The following TRHDE variants were observed in gnomAD, a reference collection of about 807,000 sequenced individuals.
TRHDE encodes thyrotropin releasing hormone degrading enzyme, also known as thyrotropin-releasing hormone-degrading ectoenzyme.
TRHDE carries 72 observed loss-of-function variants against 125.7 expected under a neutral mutation model. That is an observed-to-expected ratio of 0.57 (90% confidence interval 0.47 to 0.70). The LOEUF is 0.70. Ranked by LOEUF, TRHDE falls within the 30% of genes least tolerant of loss-of-function variation. TRHDE has a pLI of 0.00. For missense variants in TRHDE, 1,110 were observed against 1,327.1 expected (o/e 0.84, Z 2.54); for synonymous variants, 509 against 509.1 (o/e 1.00, Z 0.00).
At chr12:72,285,585 ATC>A (rs1448702706) in intron 1 of TRHDE, among the ~76,000 whole-genome samples, 1 of 137,708 alleles carries the variant, frequency 7.3e-6, no homozygotes, top group Non-Finnish European at 1.5e-5. Context: ...CAGTGGCGCG[ATC>A]TTGGTTCACT....
chr12:72,575,992 C>T (rs1231158933), intron 12 of TRHDE, among the ~76,000 whole-genome samples: 2 of 151,982 alleles, frequency 1.3e-5, no homozygotes, highest in Non-Finnish European at 2.9e-5. Context: ...TGGGTAAGAC[C>T]GTTCTTGACA....
intron 2 of TRHDE, among the ~76,000 whole-genome samples, chr12:72,195,647 T>A (rs1171860091): frequency 6.6e-6 from 1 of 152,088 alleles, no homozygotes; most frequent in African/African-American, 2.4e-5. Flanking sequence ...TAAACTTTTG[T>A]CAGATTCAGT....
rs534428675 is a variant in TRHDE, at chr12:72,520,362, C to A, written c.1722+20727C>A. 2.7e-4 allele frequency among the ~76,000 whole-genome samples: 41 copies of A among 152,176 alleles called. 1 individual carries two copies. The highest frequency in any genetic ancestry group is 2.6e-3 in the Admixed American group (39 of 15,282). ...CTCGTGGTGCGCCATTTTTTAAGCC[C>A]GTCGGAAAAGCGCAGTATTCGGGTG... On this transcript the variant is annotated intron_variant, in intron 6 of 18. Transcript: ENST00000261180.
intron 2 of TRHDE, among the ~76,000 whole-genome samples, chr12:72,130,166 G>A (rs1875827894): frequency 6.6e-6 from 1 of 152,118 alleles, no homozygotes; most frequent in African/African-American, 2.4e-5. Context: ...CAGGCGCGGT[G>A]GTGGGTGCCT....
intron 6 of TRHDE, among the ~76,000 whole-genome samples, chr12:72,512,026 C>T (rs1390812715): frequency 6.6e-6 from 1 of 152,196 alleles, no homozygotes. Context: ...TCCTCTGTTG[C>T]ACACAGTTTC....
intron 15 of TRHDE, among the ~76,000 whole-genome samples, chr12:72,645,959 G>A (rs1217921286): frequency 6.6e-6 from 1 of 152,018 alleles, no homozygotes; most frequent in African/African-American, 2.4e-5. Flanking sequence ...TGCCTTGAAA[G>A]AAATGCTAAA....
intron 3 of TRHDE, among the ~76,000 whole-genome samples, chr12:72,417,337 G>T (rs578171280): frequency 6.6e-6 from 1 of 152,086 alleles, no homozygotes; most frequent in East Asian, 1.9e-4. Flanking sequence ...GAATCGGTAG[G>T]AACTAAGCAT....
chr12:72,290,549 A>G lies in TRHDE; in HGVS notation c.1188+3595A>G, dbSNP rs111582203. Among the ~76,000 whole-genome samples the G allele has an allele frequency of 4.8e-3, 736 of 152,324 alleles. 3 individuals are homozygous for G. The highest frequency in any genetic ancestry group is 8.5e-3 in the Non-Finnish European group (578 of 68,024). Reference sequence around the variant, plus strand: ...GTAGGCTAGGAATTTGGAAGGGCACAGTGGTGGCAACTTCTCTGTGTTCAA... The same window carrying G: ...GTAGGCTAGGAATTTGGAAGGGCACGGTGGTGGCAACTTCTCTGTGTTCAA... On this transcript the variant is annotated intron_variant, in intron 2 of 18. Coordinates refer to ENST00000261180, the MANE Select transcript of TRHDE (RefSeq NM_013381.3).
At chr12:72,093,613 T>C (rs1333200394) in intron 1 of TRHDE, among the ~76,000 whole-genome samples, 1 of 152,180 alleles carries the variant, frequency 6.6e-6, no homozygotes, top group Non-Finnish European at 1.5e-5. Flanking sequence ...ATTCAAGCTC[T>C]TTATTAAATT....
chr12:72,426,914 A>C (rs12315758), intron 3 of TRHDE, among the ~76,000 whole-genome samples: 3,411 of 152,114 alleles, frequency 0.022, 122 homozygotes, highest in African/African-American at 0.078. Context: ...TGAAAAGAAA[A>C]TTCATCTTCA....
intron 1 of TRHDE, among the ~76,000 whole-genome samples, chr12:72,282,362 A>AT (rs1291710475): frequency 3.3e-5 from 5 of 152,036 alleles, no homozygotes; most frequent in South Asian, 2.1e-4. Context: ...CAAACTTGTT[A>AT]TTTTTTTCTC....
intron 3 of TRHDE, among the ~76,000 whole-genome samples, chr12:72,440,672 C>G (rs1874964438): frequency 6.6e-6 from 1 of 151,804 alleles, no homozygotes; most frequent in African/African-American, 2.4e-5. Context: ...TAAACAGTGA[C>G]AGTAAGTGGT....
intron 3 of TRHDE, among the ~76,000 whole-genome samples, chr12:72,444,671 T>A (rs1875186626): frequency 6.6e-6 from 1 of 151,864 alleles, no homozygotes; most frequent in African/African-American, 2.4e-5. Flanking sequence ...ATTTAATAAT[T>A]TAATAAGATT....
intron 2 of TRHDE, among the ~76,000 whole-genome samples, chr12:72,338,524 T>C (rs1441847961): frequency 6.6e-6 from 1 of 152,186 alleles, no homozygotes; most frequent in African/African-American, 2.4e-5. Context: ...AGTTAGAGTG[T>C]AGGTTCTAGC....
chr12:72,093,009 T>C (rs377164845), intron 1 of TRHDE, among the ~76,000 whole-genome samples: 1 of 152,350 alleles, frequency 6.6e-6, no homozygotes, highest in East Asian at 1.9e-4. Context: ...AGAAGGAGAT[T>C]AAGTTTTGAT....
At chr12:72,553,612 G>C (rs1274565325) in intron 7 of TRHDE, among the ~76,000 whole-genome samples, 1 of 151,916 alleles carries the variant, frequency 6.6e-6, no homozygotes, top group Admixed American at 6.6e-5. Flanking sequence ...CCCACAACTT[G>C]GAAGAACTGT....
chr12:72,560,405 T>C (rs1870121363), intron 7 of TRHDE: 1 of 152,208 alleles, frequency 6.6e-6, no homozygotes, highest in Non-Finnish European at 1.5e-5. Context: ...AAGAAAATTG[T>C]ATATTGGATT....
intron 2 of TRHDE, among the ~76,000 whole-genome samples, chr12:72,349,240 G>A (rs942157514): frequency 6.6e-5 from 10 of 152,030 alleles, no homozygotes; most frequent in African/African-American, 2.4e-4. Context: ...AAATTCATTT[G>A]CTCATACAAA....
At chr12:72,542,401 A>G (rs1421616451) in intron 7 of TRHDE, 45 bp downstream of exon 7, 2 of 1,527,194 alleles carry the variant, frequency 1.3e-6, no homozygotes, top group East Asian at 2.3e-5. Flanking sequence ...TTCCTTGTCA[A>G]TATATTTCAC....
Sources: allele counts gnomAD v4.1 joint callset (sites outside exome capture counted in the v4.1 genomes callset), GRCh38; gene constraint gnomAD v4.1.1; transcripts MANE v1.5; gene names NCBI Gene and HGNC (gene_info 2026-07-23, HGNC 2026-07-21).